The following ARHGAP42 variants were observed in gnomAD, a reference collection of about 807,000 sequenced individuals.
The protein encoded by ARHGAP42 is Rho GTPase activating protein 42.
A neutral mutation model predicts 125.0 loss-of-function variants in ARHGAP42; 63 were observed. The ratio of observed to expected loss-of-function variants is 0.50; its 90% CI spans 0.41 to 0.62. The LOEUF (loss-of-function observed/expected upper bound fraction) is 0.62. Among genes scored for constraint, ARHGAP42 ranks in the 20% least tolerant of loss-of-function variants. The probability of loss-of-function intolerance (pLI) is 0.00; values close to 1 mark genes in which losing one functional copy is unlikely to be tolerated. For synonymous variants in ARHGAP42, 339 were observed against 351.0 expected (o/e 0.97, Z 0.38); for missense variants, 766 against 1,024.2 (o/e 0.75, Z 3.44).
At chr11:100,732,522 GT>G (rs1281512390) in intron 1 of ARHGAP42, among the ~76,000 whole-genome samples, 4 of 152,110 alleles carry the variant, frequency 2.6e-5, no homozygotes, top group Admixed American at 2.0e-4. Context: ...ACAAACAGCC[GT>G]TCATGTCTGG....
intron 3 of ARHGAP42, among the ~76,000 whole-genome samples, chr11:100,796,472 A>C (rs1379590423): frequency 6.6e-6 from 1 of 152,186 alleles, no homozygotes; most frequent in Admixed American, 6.5e-5. Flanking sequence ...TGTGTCTCTC[A>C]CTTTTTTAAG....
chr11:100,876,998 G>A (rs556646894), intron 4 of ARHGAP42, among the ~76,000 whole-genome samples: 3 of 152,320 alleles, frequency 2.0e-5, no homozygotes, highest in South Asian at 4.1e-4. Flanking sequence ...CCAGTGAGAA[G>A]TGAAGTGAGC....
At chr11:100,976,004 G>C (rs773207775) in intron 19 of ARHGAP42, 53 bp from the exon 20 acceptor site, 21 of 1,455,844 alleles carry the variant, frequency 1.4e-5, no homozygotes, top group South Asian at 3.0e-5. Context: ...TGGTGATGCT[G>C]TTATCAATAG....
chr11:100,700,274 T>C (rs1182849195), intron 1 of ARHGAP42, among the ~76,000 whole-genome samples: 1 of 152,250 alleles, frequency 6.6e-6, no homozygotes, highest in Non-Finnish European at 1.5e-5. Flanking sequence ...CAGCGAGTTA[T>C]AATCTTTTTT....
chr11:100,879,317 C>T (rs907892623), intron 4 of ARHGAP42, among the ~76,000 whole-genome samples: 1 of 152,096 alleles, frequency 6.6e-6, no homozygotes. Context: ...TTTTGAAGTA[C>T]TGAGTGACTA....
chr11:100,792,307 AG>A (rs2135027771), intron 2 of ARHGAP42, among the ~76,000 whole-genome samples: 1 of 152,360 alleles, frequency 6.6e-6, no homozygotes, highest in South Asian at 2.1e-4. Context: ...ATGAAAATAA[AG>A]CATTTGTAGC....
At chr11:100,949,208 A>G (rs750187408) in intron 11 of ARHGAP42, among the ~76,000 whole-genome samples, 1 of 152,038 alleles carries the variant, frequency 6.6e-6, no homozygotes, top group Non-Finnish European at 1.5e-5. Flanking sequence ...GAACCTGTAC[A>G]GCAATAGTGC....
At chr11:100,903,981 G>A (rs1010214210) in intron 4 of ARHGAP42, among the ~76,000 whole-genome samples, 1 of 151,640 alleles carries the variant, frequency 6.6e-6, no homozygotes, top group African/African-American at 2.4e-5. Flanking sequence ...TATATTCACT[G>A]GGAGCTGATT....
chr11:100,699,448 T>C (rs1861352322), intron 1 of ARHGAP42, among the ~76,000 whole-genome samples: 1 of 145,764 alleles, frequency 6.9e-6, no homozygotes, highest in Non-Finnish European at 1.5e-5. Flanking sequence ...TTAATGATTT[T>C]TTTCTTAGCT....
intron 4 of ARHGAP42, among the ~76,000 whole-genome samples, chr11:100,899,157 T>G (rs546072432): frequency 7.7e-4 from 118 of 152,324 alleles, no homozygotes; most frequent in African/African-American, 2.6e-3. Flanking sequence ...CAGTTTTGAG[T>G]GAGTTTCTTA....
intron 4 of ARHGAP42, among the ~76,000 whole-genome samples, chr11:100,861,772 GCTC>G (rs1865450759): frequency 6.6e-6 from 1 of 152,134 alleles, no homozygotes; most frequent in Non-Finnish European, 1.5e-5. Flanking sequence ...TGAAATTTAG[GCTC>G]CTCTGAGACA....
intron 1 of ARHGAP42, among the ~76,000 whole-genome samples, chr11:100,717,094 C>T (rs1861674801): frequency 6.6e-6 from 1 of 152,112 alleles, no homozygotes; most frequent in Non-Finnish European, 1.5e-5. Context: ...AAGGAAACCA[C>T]GGAGAAGCAG....
intron 8 of ARHGAP42, among the ~76,000 whole-genome samples, chr11:100,937,233 A>G (rs908032753): frequency 3.9e-5 from 6 of 152,108 alleles, no homozygotes; most frequent in African/African-American, 1.4e-4. Flanking sequence ...CTCTCTCATA[A>G]CTACCTACCT....
At chr11:100,734,309 T>TA (rs1862020633) in intron 1 of ARHGAP42, among the ~76,000 whole-genome samples, 1 of 152,004 alleles carries the variant, frequency 6.6e-6, no homozygotes, top group South Asian at 2.1e-4. Context: ...AATAGAGTTT[T>TA]ACTCTTGTTG....
chr11:100,954,020 TTTATGACA>T (rs1486389197), intron 12 of ARHGAP42, among the ~76,000 whole-genome samples: 1 of 39,136 alleles, frequency 2.6e-5, no homozygotes, highest in Non-Finnish European at 5.3e-5. Context: ...CAAATTACAT[TTTATGACA>T]TACCTTTCCT....
chr11:100,752,688 G>A (rs1380764353), intron 1 of ARHGAP42, among the ~76,000 whole-genome samples: 3 of 152,192 alleles, frequency 2.0e-5, no homozygotes, highest in African/African-American at 7.2e-5. Context: ...TGATGGGGGC[G>A]TGACATACAC....
At chr11:100,967,242 T>A (rs1241899271) in intron 17 of ARHGAP42, among the ~76,000 whole-genome samples, 2 of 152,206 alleles carry the variant, frequency 1.3e-5, no homozygotes, top group African/African-American at 4.8e-5. Flanking sequence ...TAACTCTGAG[T>A]AACAGTATAA....
intron 3 of ARHGAP42, among the ~76,000 whole-genome samples, chr11:100,823,081 C>T (rs1225368530): frequency 6.6e-6 from 1 of 152,104 alleles, no homozygotes; most frequent in Admixed American, 6.5e-5. Context: ...TCTGGCTGAT[C>T]TCCACCCTGT....
chr11:100,712,581 T>A (rs908835664), intron 1 of ARHGAP42, among the ~76,000 whole-genome samples: 1 of 152,094 alleles, frequency 6.6e-6, no homozygotes, highest in Admixed American at 6.6e-5. Context: ...TGGCAGGTGG[T>A]GGGAGGGAGG....
Sources: allele counts gnomAD v4.1 joint callset (sites outside exome capture counted in the v4.1 genomes callset), GRCh38; gene constraint gnomAD v4.1.1; transcripts MANE v1.5; gene names NCBI Gene and HGNC (gene_info 2026-07-23, HGNC 2026-07-21).